GALNT1: variants seen among roughly 807,000 people sequenced by gnomAD.
GALNT1 encodes the protein GalNAc transferase 1.
A neutral mutation model predicts 65.7 loss-of-function variants in GALNT1; 17 were observed. The observed-to-expected ratio is 0.26, with a 90% CI of 0.18 to 0.39. The LOEUF is 0.39. Among genes scored for constraint, GALNT1 ranks in the 10% least tolerant of loss-of-function variants. The probability of loss-of-function intolerance (pLI) is 1.00; values close to 1 mark genes in which losing one functional copy is unlikely to be tolerated. For synonymous variants in GALNT1, 210 were observed against 219.7 expected, an observed-to-expected ratio of 0.96 and a Z score of 0.39; for missense variants, 460 against 672.8, an observed-to-expected ratio of 0.68 and a Z score of 3.50.
At chr18:35,622,150 A>AT (rs1240140541) in intron 1 of GALNT1, among the ~76,000 whole-genome samples, 1 of 152,066 alleles carries the variant, frequency 6.6e-6, no homozygotes, top group Admixed American at 6.6e-5. Flanking sequence ...TATAAAGATA[A>AT]TTTTTTTCTT....
In GALNT1 at chr18:35,692,111, G is replaced by C. The variant is rs553811509; in HGVS notation, c.1160-70G>C. ...CTGTTCTGATTCATCTGGCTTATTA[G>C]ATTCAATATATAAACATGTGTTACC... On this transcript the variant is annotated intron_variant, in intron 8 of 11. Transcript: ENST00000269195. 6.6e-6 allele frequency: 9 copies of C among 1,361,612 alleles called. No individual in the cohort carries two copies. In the Admixed American group the frequency reaches 1.2e-4, roughly 17 times the overall value. The allele number at this position is 1,361,612 out of a possible 1,614,324, so 84.3% of individuals were successfully genotyped here. A position where few individuals can be genotyped will look rare whatever the true frequency, so the allele number is the denominator to read the frequency against.
At chr18:35,627,373 G>T (rs530513523) in intron 1 of GALNT1, 1 of 152,202 alleles carries the variant, frequency 6.6e-6, no homozygotes, top group African/African-American at 2.4e-5. Flanking sequence ...GCTGACTAAG[G>T]GGGGAGAATA....
intron 2 of GALNT1, chr18:35,660,071 A>G (rs2047455092): frequency 6.6e-6 from 1 of 152,200 alleles, no homozygotes; most frequent in Admixed American, 6.5e-5. Flanking sequence ...CCACATTCCA[A>G]TTTCAGAAAT....
intron 7 of GALNT1, among the ~76,000 whole-genome samples, chr18:35,690,728 T>A (rs1400481677): frequency 2.0e-5 from 3 of 152,192 alleles, no homozygotes; most frequent in African/African-American, 7.2e-5. Flanking sequence ...CCGGAGCCCA[T>A]CATGTGCCCC....
In GALNT1 at chr18:35,710,640, A is replaced by G. The variant is rs1162250405; in HGVS notation, c.*870A>G. On this transcript the variant is annotated 3_prime_UTR_variant, in exon 12 of 12. Transcript: ENST00000269195. ...AGATGTTTCAGTTGCTCTTGGGTCA[A>G]CTGGCTTACAGATTTACATGTGCAC... The G allele has an allele frequency of 2.0e-5, 3 of 152,662 alleles. No individual in the cohort carries two copies. The highest frequency in any genetic ancestry group is 2.9e-5 in the Non-Finnish European group (2 of 68,042). The allele number at this position is 152,662 out of a possible 1,614,324, so 9.5% of individuals were successfully genotyped here.
chr18:35,701,500 C>T (rs644489), intron 9 of GALNT1, among the ~76,000 whole-genome samples: 93,402 of 152,026 alleles, frequency 0.61, 29,256 homozygotes, highest in Middle Eastern at 0.71. Flanking sequence ...TACAACCTAA[C>T]ACAACCTATT....
chr18:35,707,580 G>A (rs1208146282), intron 11 of GALNT1, among the ~76,000 whole-genome samples: 1 of 152,226 alleles, frequency 6.6e-6, no homozygotes, highest in Non-Finnish European at 1.5e-5. Context: ...TCCTGATGTC[G>A]AATAGTTAAA....
chr18:35,594,223 G>C (rs1280146745), intron 1 of GALNT1, among the ~76,000 whole-genome samples: 2 of 152,070 alleles, frequency 1.3e-5, no homozygotes, highest in African/African-American at 2.4e-5. Context: ...GTGGAGCAAG[G>C]CTTCTAAGGC....
chr18:35,610,629 T>C (rs1002722121), intron 1 of GALNT1, among the ~76,000 whole-genome samples: 10 of 152,190 alleles, frequency 6.6e-5, no homozygotes, highest in Admixed American at 1.3e-4. Context: ...CTAAACCCTT[T>C]TACACTTTTA....
At chr18:35,616,382 T>G (rs60371280) in intron 1 of GALNT1, among the ~76,000 whole-genome samples, 15,924 of 152,054 alleles carry the variant, frequency 0.1, 1,089 homozygotes, top group African/African-American at 0.2. Context: ...TTGTTGGGAG[T>G]ATTGTTATAC....
intron 2 of GALNT1, among the ~76,000 whole-genome samples, chr18:35,661,784 C>T (rs1182478670): frequency 6.6e-6 from 1 of 152,098 alleles, no homozygotes; most frequent in African/African-American, 2.4e-5. Flanking sequence ...CTTTTTCCCC[C>T]TAGTAAAAAC....
At chr18:35,696,042 C>A (rs983341273) in intron 9 of GALNT1, among the ~76,000 whole-genome samples, 1 of 152,226 alleles carries the variant, frequency 6.6e-6, no homozygotes, top group African/African-American at 2.4e-5. Context: ...TCTTACCTGC[C>A]TCTTGCCAGC....
chr18:35,621,671 T>G (rs1013656341), intron 1 of GALNT1, among the ~76,000 whole-genome samples: 3 of 152,254 alleles, frequency 2.0e-5, no homozygotes, highest in Non-Finnish European at 2.9e-5. Context: ...TGGTTTGTGC[T>G]TTTTGAATAT....
intron 3 of GALNT1, among the ~76,000 whole-genome samples, chr18:35,666,243 A>G (rs2047547989): frequency 1.3e-5 from 2 of 152,250 alleles, no homozygotes; most frequent in South Asian, 2.1e-4. Context: ...TTACTACTAC[A>G]TGGCTTAGCC....
chr18:35,668,074 T>A (rs1486901457), intron 3 of GALNT1, among the ~76,000 whole-genome samples: 1 of 152,176 alleles, frequency 6.6e-6, no homozygotes, highest in African/African-American at 2.4e-5. Context: ...TGATAATATA[T>A]ACCTTTAAAT....
At chr18:35,594,062 A>G (rs1359219128) in intron 1 of GALNT1, among the ~76,000 whole-genome samples, 1 of 125,724 alleles carries the variant, frequency 8.0e-6, no homozygotes. Context: ...TGGCAGTTAA[A>G]TCAGTTTTTA....
At position 35,682,734 on chromosome 18, in the gene GALNT1, C is replaced by T. The variant is rs1281425148; in HGVS notation, c.482-657C>T. Reference sequence around the variant, plus strand: ...GATAGCTATTGATTTCATACACCCACATACTCTCCCTTTCCCCTTTTGCCC... The same window carrying T: ...GATAGCTATTGATTTCATACACCCATATACTCTCCCTTTCCCCTTTTGCCC... On this transcript the variant is annotated intron_variant, in intron 4 of 11. Transcript: ENST00000269195. Among the ~76,000 whole-genome samples the T allele has an allele frequency of 2.6e-5, 4 of 152,102 alleles. No individual in the cohort carries two copies. The East Asian group carries it at 7.7e-4, about 29-fold the overall frequency.
intron 1 of GALNT1, chr18:35,627,376 G>A (rs1406662661): frequency 6.6e-6 from 1 of 152,158 alleles, no homozygotes; most frequent in African/African-American, 2.4e-5. Flanking sequence ...GACTAAGGGG[G>A]GAGAATAGAG....
chr18:35,648,057 A>T (rs550052566), intron 1 of GALNT1, among the ~76,000 whole-genome samples: 2 of 138,480 alleles, frequency 1.4e-5, no homozygotes, highest in East Asian at 4.5e-4. Flanking sequence ...GAAGGAAGGG[A>T]GGAAGTGAGG....
Sources: allele counts gnomAD v4.1 joint callset (sites outside exome capture counted in the v4.1 genomes callset), GRCh38; gene constraint gnomAD v4.1.1; transcripts MANE v1.5; gene names NCBI Gene and HGNC (gene_info 2026-07-23, HGNC 2026-07-21).